CCDC50: variants seen among roughly 807,000 people sequenced by gnomAD.
CCDC50 encodes coiled-coil domain-containing protein 50.
Under a neutral mutation model 70.2 loss-of-function variants are expected in CCDC50, and 54 were observed. The observed-to-expected ratio is 0.77, with a 90% CI of 0.62 to 0.96. The LOEUF is 0.96. CCDC50 is among the 50% of genes least tolerant of loss of function. The pLI, the probability that CCDC50 is intolerant of heterozygous loss-of-function variation, is 0.00. For synonymous variants in CCDC50, 216 were observed against 198.8 expected (o/e 1.09, Z -0.73); for missense variants, 558 against 578.7 (o/e 0.96, Z 0.37).
intron 11 of CCDC50, among the ~76,000 whole-genome samples, chr3:191,391,227 C>T (rs564174003): frequency 1.3e-5 from 2 of 152,280 alleles, no homozygotes; most frequent in South Asian, 4.1e-4. Context: ...CTTTAAATAA[C>T]ATTTTCTGCT....
At position 191,375,218 on chromosome 3, in the gene CCDC50, G is replaced by GA. The variant is rs1373735456; in HGVS notation, c.606dup (p.Ser203IlefsTer6). The GA allele has an allele frequency of 3.7e-6, 6 of 1,613,692 alleles. No individual in the cohort carries two copies. The highest frequency in any genetic ancestry group is 5.1e-6 in the Non-Finnish European group (6 of 1,179,826). On this transcript the variant is annotated frameshift_variant, in exon 6 of 12. Transcript: ENST00000392455. LOFTEE classifies it high-confidence loss of function. ...CCAGAACAACATTGTTCATCGAAGA[G>GA]ATCCCTGTCATCCTCTAGCTCGGGC...
chr3:191,362,794 G>A (rs1006940808), intron 4 of CCDC50, among the ~76,000 whole-genome samples: 7 of 152,278 alleles, frequency 4.6e-5, no homozygotes, highest in Admixed American at 2.6e-4. Context: ...GAAACACCTG[G>A]TATGAGAGTA....
intron 4 of CCDC50, among the ~76,000 whole-genome samples, chr3:191,365,088 A>ATGTGTGTGTGTGTGTGTGTG (rs111869044): frequency 6.6e-6 from 1 of 151,474 alleles, no homozygotes; most frequent in African/African-American, 2.4e-5. Context: ...GCATGACTAG[A>ATGTGTGTGTGTGTGTGTGTG]TGTGTGTGTG....
At chr3:191,365,821 GATATA>G (rs1712667705) in intron 4 of CCDC50, among the ~76,000 whole-genome samples, 1 of 152,110 alleles carries the variant, frequency 6.6e-6, no homozygotes, top group Admixed American at 6.6e-5. Flanking sequence ...ACATTTATAT[GATATA>G]ACCCTCCATC....
Position 191,364,941 on chromosome 3 carries a change from C to T in CCDC50, c.330+3782C>T, listed in dbSNP as rs187499948. 1.3e-3 allele frequency among the ~76,000 whole-genome samples: 201 copies of T among 152,070 alleles called. 1 individual carries two copies. Among genetic ancestry groups the T allele is most frequent in the Middle Eastern group, 0.01 (3 of 294 alleles). On this transcript the variant is annotated intron_variant, in intron 4 of 11. Coordinates refer to ENST00000392455, the MANE Select transcript of CCDC50 (RefSeq NM_178335.3). ...AATATGGTAGTTCTCCCTAGGCTCC[C>T]TGTTGGAAGGAGCTTGTAGACTTTG...
At chr3:191,354,674 T>C (rs1045478148) in intron 1 of CCDC50, among the ~76,000 whole-genome samples, 1 of 152,174 alleles carries the variant, frequency 6.6e-6, no homozygotes, top group Non-Finnish European at 1.5e-5. Context: ...ATTTCTGTGA[T>C]GTTTATATAT....
chr3:191,329,837 T>C, intron 1 of CCDC50, 114 bp downstream of exon 1: 1 of 1,010,050 alleles, frequency 9.9e-7, no homozygotes, highest in South Asian at 1.4e-5. Flanking sequence ...GTGCCCGCCC[T>C]GCGTTGGCCT....
At chr3:191,390,292 G>T (rs1708285) in intron 11 of CCDC50, among the ~76,000 whole-genome samples, 125,881 of 151,872 alleles carry the variant, frequency 0.83, 52,429 homozygotes, top group Non-Finnish European at 0.85. Context: ...CCACATAACT[G>T]TTATGCAAAA....
chr3:191,353,522 G>A (rs1424922756), intron 1 of CCDC50, among the ~76,000 whole-genome samples: 1 of 141,178 alleles, frequency 7.1e-6, no homozygotes, highest in East Asian at 1.9e-4. Flanking sequence ...AGGCAGAGGA[G>A]GTTAGAAAAG....
At position 191,361,106 on chromosome 3, in the gene CCDC50, G is replaced by A. The variant is rs1712470429; in HGVS notation, c.277G>A (p.Glu93Lys). The change falls in exon 4 of 12, where the codon GAG becomes AAG. Residue 93 changes from glutamate (E) to lysine (K), a missense_variant. Glu to Lys is a moderately conservative substitution (Grantham distance 56). Transcript: ENST00000392455. ...CTGTGAAATTGCTCAGGAAATTCAG[G>A]AGAAGCTGGCTATTGAGGCAGAGAG... ...QDCEIAQEIQ[E>K]KLAIEAERRR... 6.2e-7 allele frequency: 1 copy of A among 1,613,690 alleles called. No individual in the cohort carries two copies. Among genetic ancestry groups the A allele is most frequent in the East Asian group, 2.2e-5 (1 of 44,876 alleles).
Position 191,385,977 on chromosome 3 carries a change from G to A in CCDC50, c.1322+3152G>A, listed in dbSNP as rs148871755. Among the ~76,000 whole-genome samples, 557 of 152,140 alleles carry A rather than the reference G, an allele frequency of 3.7e-3. 10 individuals are homozygous for A. Among genetic ancestry groups the A allele is most frequent in the Admixed American group, 0.027 (420 of 15,288 alleles). ...CAAGGGATCTGTACTCTGTTACATT[G>A]GTCTGTGTGTCAGGTTTTGTACCAA... On this transcript the variant is annotated intron_variant, in intron 10 of 11. Transcript: ENST00000392455.
At chr3:191,379,233 T>C (rs1713222543) in intron 6 of CCDC50, among the ~76,000 whole-genome samples, 1 of 152,014 alleles carries the variant, frequency 6.6e-6, no homozygotes, top group Non-Finnish European at 1.5e-5. Flanking sequence ...TTAGAATCTG[T>C]GGGGGTTGGG....
At chr3:191,389,360 A>G (rs1489304579) in intron 10 of CCDC50, 136 bp from the exon 11 acceptor site, 1 of 781,142 alleles carries the variant, frequency 1.3e-6, no homozygotes, top group East Asian at 2.4e-5. Flanking sequence ...ACTGTCCAGG[A>G]ACTACAGTGT....
chr3:191,388,865 T>C (rs1218088080), intron 10 of CCDC50, among the ~76,000 whole-genome samples: 1 of 152,144 alleles, frequency 6.6e-6, no homozygotes, highest in Non-Finnish European at 1.5e-5. Flanking sequence ...GCTACATGTT[T>C]GCATAAATCT....
Position 191,358,016 on chromosome 3 carries a change from C to A in CCDC50, c.131C>A (p.Ser44Ter), listed in dbSNP as rs776192376. The A allele has an allele frequency of 5.0e-6, 8 of 1,613,974 alleles. No individual in the cohort carries two copies. Among genetic ancestry groups the A allele is most frequent in the Non-Finnish European group, 6.8e-6 (8 of 1,179,878 alleles). ...GTTCCAGTTGAGCATCATTTGGCAT[C>A]GAACGTTCAGCGGAACCGTTTGGTC... ...QEQEIEHHLASNVQRNRLVQH... is the reference protein window; with the variant it reads ...QEQEIEHHLA Residue 44 changes from serine to a stop codon, truncating the protein, a stop_gained, in exon 3 of 12, where the codon TCG (serine) becomes TAG (stop). Transcript: ENST00000392455. LOFTEE classifies it high-confidence loss of function.
chr3:191,349,409 T>C (rs1016722091), intron 1 of CCDC50, among the ~76,000 whole-genome samples: 1 of 142,016 alleles, frequency 7.0e-6, no homozygotes, highest in African/African-American at 2.5e-5. Flanking sequence ...AACAATATCT[T>C]CTCTTCCCAA....
At chr3:191,369,445 A>G (rs1284018696) in intron 4 of CCDC50, among the ~76,000 whole-genome samples, 1 of 152,182 alleles carries the variant, frequency 6.6e-6, no homozygotes, top group Non-Finnish European at 1.5e-5. Context: ...GGTGGGAGAC[A>G]GAAGGAAGAT....
chr3:191,368,757 T>G (rs1050407139), intron 4 of CCDC50, among the ~76,000 whole-genome samples: 1 of 152,144 alleles, frequency 6.6e-6, no homozygotes, highest in Non-Finnish European at 1.5e-5. Flanking sequence ...CCAATGATTG[T>G]TATTACCATT....
At position 191,370,041 on chromosome 3, in the gene CCDC50, C is replaced by A. The variant is rs1036708407; in HGVS notation, c.448+5C>A. 1.3e-6 allele frequency: 2 copies of A among 1,521,868 alleles called. No individual in the cohort carries two copies. Among genetic ancestry groups the A allele is most frequent in the Non-Finnish European group, 1.8e-6 (2 of 1,096,692 alleles). The allele number at this position is 1,521,868 out of a possible 1,614,324, so 94.3% of individuals were successfully genotyped here. On this transcript the variant is annotated splice_donor_5th_base_variant and intron_variant, in intron 5 of 11. Coordinates refer to ENST00000392455, the MANE Select transcript of CCDC50 (RefSeq NM_178335.3). ...GTTACTATTATGAAGATGGAGGTAACAATTCCTGCATCATGATCTATTCTA... is the reference window on the plus strand; with the variant it reads ...GTTACTATTATGAAGATGGAGGTAAAAATTCCTGCATCATGATCTATTCTA...
Sources: gnomAD v4.1 joint callset for allele counts (sites outside exome capture counted in the v4.1 genomes callset) on GRCh38, gnomAD v4.1.1 for gene constraint, MANE v1.5 for transcripts, NCBI Gene and HGNC (gene_info 2026-07-23, HGNC 2026-07-21) for gene names.